The following MAP2K2 variants were observed in gnomAD, a reference collection of about 807,000 sequenced individuals.
MAP2K2 encodes the protein mitogen-activated protein kinase kinase 2.
In MAP2K2, 24 loss-of-function variants were observed where a neutral mutation model predicts 43.7. The ratio of observed to expected loss-of-function variants is 0.55; its 90% CI spans 0.40 to 0.77. MAP2K2 has a LOEUF of 0.77. MAP2K2 is among the 30% of genes least tolerant of loss of function. The pLI is 0.00. For synonymous variants in MAP2K2, 244 were observed against 239.7 expected (o/e 1.02, Z -0.17); for missense variants, 470 against 566.8 (o/e 0.83, Z 1.73).
At chr19:4,107,887 C>T (rs1303685919) in intron 3 of MAP2K2, among the ~76,000 whole-genome samples, 1 of 152,198 alleles carries the variant, frequency 6.6e-6, no homozygotes, top group African/African-American at 2.4e-5. Context: ...GCAGGGACTA[C>T]GACCTCCCTC....
At chr19:4,094,519 G>A in intron 9 of MAP2K2, 21 bp from the exon 10 acceptor site, 2 of 1,562,296 alleles carry the variant, frequency 1.3e-6, no homozygotes, top group East Asian at 4.7e-5. Flanking sequence ...CAAGAGGCAG[G>A]ACCGGGAGGC....
chr19:4,104,439 G>C (rs1434827922), intron 3 of MAP2K2, among the ~76,000 whole-genome samples: 1 of 152,022 alleles, frequency 6.6e-6, no homozygotes, highest in African/African-American at 2.4e-5. Context: ...TGTAGTCCCA[G>C]CTACTCAGAA....
chr19:4,123,646 G>A (rs2041332414), intron 1 of MAP2K2, 138 bp downstream of exon 1: 2 of 347,326 alleles, frequency 5.8e-6, no homozygotes, highest in Admixed American at 5.0e-5. Context: ...CCTGCCCCGT[G>A]CACCACTCAC....
chr19:4,093,309 G>A (rs865865158), intron 10 of MAP2K2, among the ~76,000 whole-genome samples: 6 of 152,278 alleles, frequency 3.9e-5, no homozygotes, highest in South Asian at 4.1e-4. Context: ...TGAGTGGGAG[G>A]ATCACTTGAG....
chr19:4,111,355 T>C (rs1317206620), intron 2 of MAP2K2, among the ~76,000 whole-genome samples: 1 of 152,192 alleles, frequency 6.6e-6, no homozygotes, highest in East Asian at 1.9e-4. Context: ...TCAGTTGTAG[T>C]GGGAGCTGTG....
At position 4,091,525 on chromosome 19, in the gene MAP2K2, G is replaced by C. The variant is rs1042172810; in HGVS notation, c.1093-817C>G. On this transcript the variant is annotated intron_variant, in intron 10 of 10. Coordinates refer to ENST00000262948, the MANE Select transcript of MAP2K2 (RefSeq NM_030662.4). Reference sequence around the variant, plus strand: ...GTGCCACCACACCCAGCTAATTTTTGTATTTTTAGTAGAGACGGGGATTCA... The same window carrying C: ...GTGCCACCACACCCAGCTAATTTTTCTATTTTTAGTAGAGACGGGGATTCA... Among the ~76,000 whole-genome samples the C allele has an allele frequency of 5.9e-5, 9 of 151,900 alleles. No individual in the cohort carries two copies. The East Asian group carries it at 1.5e-3, about 26-fold the overall frequency.
chr19:4,119,293 C>T (rs1198998358), intron 1 of MAP2K2, among the ~76,000 whole-genome samples: 1 of 152,116 alleles, frequency 6.6e-6, no homozygotes, highest in Non-Finnish European at 1.5e-5. Context: ...GTGATCTTGG[C>T]TCACTGCAAC....
At chr19:4,100,901 C>T (rs531108459) in intron 6 of MAP2K2, 118 bp downstream of exon 6, 244 of 1,190,576 alleles carry the variant, frequency 2.0e-4, no homozygotes, top group African/African-American at 2.2e-4. Context: ...GGGACAGCTG[C>T]GCAGGAGACA....
At chr19:4,107,523 C>CAAA (rs71166959) in intron 3 of MAP2K2, among the ~76,000 whole-genome samples, 138 of 59,208 alleles carry the variant, frequency 2.3e-3, no homozygotes, top group African/African-American at 2.6e-3. Flanking sequence ...GACTCCGTCT[C>CAAA]AAAAAAAAAA....
intron 1 of MAP2K2, among the ~76,000 whole-genome samples, chr19:4,119,682 G>A (rs1424115063): frequency 1.3e-5 from 2 of 152,196 alleles, no homozygotes; most frequent in Non-Finnish European, 2.9e-5. Context: ...GTGGGTTTGG[G>A]CAATTCTTGT....
intron 1 of MAP2K2, among the ~76,000 whole-genome samples, chr19:4,122,942 C>T (rs996337840): frequency 2.0e-5 from 3 of 151,726 alleles, no homozygotes; most frequent in African/African-American, 4.9e-5. Context: ...GGACCCCTCA[C>T]CCCATCCTCT....
At chr19:4,099,492 G>A in intron 6 of MAP2K2, 78 bp from the exon 7 acceptor site, 1 of 1,152,750 alleles carries the variant, frequency 8.7e-7, no homozygotes, top group Non-Finnish European at 1.3e-6. Flanking sequence ...CCCCGTTACA[G>A]CCCCCGTCAC....
intron 8 of MAP2K2, among the ~76,000 whole-genome samples, chr19:4,097,004 C>T (rs1411231728): frequency 6.9e-6 from 1 of 144,560 alleles, no homozygotes; most frequent in East Asian, 2.0e-4. Context: ...CAAGCCACTG[C>T]ACTACAAAGC....
intron 4 of MAP2K2, among the ~76,000 whole-genome samples, chr19:4,102,104 A>G (rs2041020054): frequency 6.6e-6 from 1 of 152,098 alleles, no homozygotes; most frequent in African/African-American, 2.4e-5. Flanking sequence ...CCCTGCCACG[A>G]GGGGCAGAGG....
In MAP2K2 at chr19:4,123,682, C is replaced by T. The variant is rs549686294; in HGVS notation, c.92+102G>A. The T allele has an allele frequency of 5.4e-6, 4 of 737,550 alleles. No individual in the cohort carries two copies. In the East Asian group the frequency reaches 1.9e-4, roughly 35 times the overall value. 45.7% of individuals were successfully genotyped at this position (737,550 alleles called of 1,614,324 possible). On this transcript the variant is annotated intron_variant, in intron 1 of 10. Coordinates refer to ENST00000262948, the MANE Select transcript of MAP2K2 (RefSeq NM_030662.4). ...CCCGTCCTCCCCCGTGACCCCCCTGCCTCGTGCACTCCTCGCGAACCCCCG... is the reference window on the plus strand; with the variant it reads ...CCCGTCCTCCCCCGTGACCCCCCTGTCTCGTGCACTCCTCGCGAACCCCCG...
At chr19:4,095,049 G>A in intron 9 of MAP2K2, 1 of 373,784 alleles carries the variant, frequency 2.7e-6, no homozygotes, top group Admixed American at 4.1e-5. Context: ...CCCAGAACCT[G>A]CGGGCGGATC....
intron 2 of MAP2K2, among the ~76,000 whole-genome samples, 177 bp from the exon 3 acceptor site, chr19:4,110,832 G>A (rs749169657): frequency 6.6e-6 from 1 of 152,140 alleles, no homozygotes; most frequent in Non-Finnish European, 1.5e-5. Flanking sequence ...ACACAGAAAC[G>A]TGTCCCAAGT....
At position 4,097,263 on chromosome 19, in the gene MAP2K2, G is replaced by T; in HGVS notation, c.984+16C>A. 1 of 1,563,652 alleles carries T rather than the reference G, an allele frequency of 6.4e-7. No individual in the cohort carries two copies. The highest frequency in any genetic ancestry group is 8.8e-7 in the Non-Finnish European group (1 of 1,138,906). On this transcript the variant is annotated intron_variant, in intron 8 of 10. Coordinates refer to ENST00000262948, the MANE Select transcript of MAP2K2 (RefSeq NM_030662.4). ...AAGAAAAGGAAAAGAAAAGCCAAAA[G>T]GCATCAAGCACAAACCTCGTTCACA...
intron 4 of MAP2K2, 86 bp downstream of exon 4, chr19:4,102,290 G>A: frequency 1.7e-6 from 2 of 1,201,226 alleles, no homozygotes; most frequent in South Asian, 2.6e-5. Context: ...CCACCACACT[G>A]TGAGTGGCTC....
Sources: gnomAD v4.1 joint callset for allele counts (sites outside exome capture counted in the v4.1 genomes callset) on GRCh38, gnomAD v4.1.1 for gene constraint, MANE v1.5 for transcripts, NCBI Gene and HGNC (gene_info 2026-07-23, HGNC 2026-07-21) for gene names.